The following QTMAN variants were observed in gnomAD, a reference collection of about 807,000 sequenced individuals.
The protein encoded by QTMAN is queuosine-tRNA mannosyltransferase, also known as tRNA-queuosine alpha-mannosyltransferase.
chr2:144,246,744 T>A, the QTMAN span, among the ~76,000 whole-genome samples: 3 of 152,306 alleles, frequency 2.0e-5, no homozygotes, highest in East Asian at 5.8e-4. Context: ...GACAACCTGC[T>A]GTCACCTGGC....
At chr2:144,122,768 A>G in the QTMAN span, among the ~76,000 whole-genome samples, 1 of 152,222 alleles carries the variant, frequency 6.6e-6, no homozygotes, top group Non-Finnish European at 1.5e-5. Context: ...TGGGAAGCTT[A>G]AAGATGTATT....
chr2:144,289,480 A>G, the QTMAN span, among the ~76,000 whole-genome samples: 2 of 152,256 alleles, frequency 1.3e-5, no homozygotes, highest in African/African-American at 4.8e-5. Flanking sequence ...GCATAAAACA[A>G]CTAAGAACAA....
the QTMAN span, among the ~76,000 whole-genome samples, chr2:144,318,555 A>G: frequency 6.6e-6 from 1 of 152,222 alleles, no homozygotes; most frequent in African/African-American, 2.4e-5. Flanking sequence ...CTCTAATCTG[A>G]CTTGTAAATT....
At chr2:144,041,962 G>A in the QTMAN span, among the ~76,000 whole-genome samples, 1,240 of 152,254 alleles carry the variant, frequency 8.1e-3, 4 homozygotes, top group Non-Finnish European at 0.014. Flanking sequence ...AAAGCACTAG[G>A]AGAGAAGAGG....
At chr2:144,027,105 T>C in the QTMAN span, among the ~76,000 whole-genome samples, 1 of 152,220 alleles carries the variant, frequency 6.6e-6, no homozygotes, top group Admixed American at 6.5e-5. Context: ...GTCCCTGAGC[T>C]ATTGGATAGG....
chr2:144,156,837 C>A, the QTMAN span, among the ~76,000 whole-genome samples: 1 of 151,992 alleles, frequency 6.6e-6, no homozygotes, highest in Non-Finnish European at 1.5e-5. Flanking sequence ...CTGGGTCTCA[C>A]CTAGCATGAA....
At chr2:143,957,568 A>C in the QTMAN span, among the ~76,000 whole-genome samples, 3 of 152,146 alleles carry the variant, frequency 2.0e-5, no homozygotes, top group Non-Finnish European at 1.5e-5. Context: ...CCCCTAAATG[A>C]AAAGCCAACT....
At chr2:144,314,012 T>C in the QTMAN span, among the ~76,000 whole-genome samples, 1 of 151,870 alleles carries the variant, frequency 6.6e-6, no homozygotes, top group African/African-American at 2.4e-5. Flanking sequence ...AATTAAAACA[T>C]AGCAATCCTA....
chr2:144,119,504 TC>T, the QTMAN span, among the ~76,000 whole-genome samples: 3 of 152,194 alleles, frequency 2.0e-5, no homozygotes, highest in Non-Finnish European at 2.9e-5. Context: ...CTGGTGTACC[TC>T]ATACAGATTG....
At chr2:144,038,084 A>G in the QTMAN span, among the ~76,000 whole-genome samples, 7 of 152,238 alleles carry the variant, frequency 4.6e-5, no homozygotes, top group African/African-American at 1.7e-4. Context: ...AATGAATTAA[A>G]TTATAATGGC....
At chr2:144,009,066 A>G in the QTMAN span, among the ~76,000 whole-genome samples, 1 of 152,094 alleles carries the variant, frequency 6.6e-6, no homozygotes, top group African/African-American at 2.4e-5. Context: ...GGGATCCTGA[A>G]GAAACAGAAA....
the QTMAN span, among the ~76,000 whole-genome samples, chr2:143,987,739 G>T: frequency 1.3e-5 from 2 of 152,190 alleles, no homozygotes; most frequent in South Asian, 2.1e-4. Context: ...TTAAGGTAGG[G>T]TTATTAAACA....
At chr2:143,975,521 G>A in the QTMAN span, among the ~76,000 whole-genome samples, 1 of 152,192 alleles carries the variant, frequency 6.6e-6, no homozygotes, top group African/African-American at 2.4e-5. Context: ...TAGCCAAGCA[G>A]TGGTAGATAA....
At chr2:144,093,791 G>GGT in the QTMAN span, among the ~76,000 whole-genome samples, 8 of 152,072 alleles carry the variant, frequency 5.3e-5, no homozygotes, top group African/African-American at 1.9e-4. Context: ...TGGATATGTT[G>GGT]GTGTGTGTGT....
chr2:144,315,260 T>C, the QTMAN span, among the ~76,000 whole-genome samples: 1 of 152,178 alleles, frequency 6.6e-6, no homozygotes, highest in Non-Finnish European at 1.5e-5. Flanking sequence ...TAAAGTGTAA[T>C]CTCTTGCCCA....
the QTMAN span, among the ~76,000 whole-genome samples, chr2:144,311,761 C>T: frequency 1.3e-5 from 2 of 152,150 alleles, no homozygotes; most frequent in Non-Finnish European, 2.9e-5. Flanking sequence ...TTCCAAATTC[C>T]CATAGTACTG....
At chr2:144,095,988 A>G in the QTMAN span, among the ~76,000 whole-genome samples, 3 of 152,148 alleles carry the variant, frequency 2.0e-5, no homozygotes, top group African/African-American at 4.8e-5. Context: ...TAAAAATCTT[A>G]TACAAGCAAA....
chr2:144,115,387 A>G, the QTMAN span, among the ~76,000 whole-genome samples: 2 of 152,222 alleles, frequency 1.3e-5, no homozygotes, highest in Non-Finnish European at 2.9e-5. Flanking sequence ...AAGTTGGCCA[A>G]TCTTGATTCT....
At chr2:144,209,270 G>C in the QTMAN span, among the ~76,000 whole-genome samples, 1 of 152,198 alleles carries the variant, frequency 6.6e-6, no homozygotes. Context: ...TTCTGGTTCA[G>C]AAATTCTGTG....
Sources: gnomAD v4.1 joint callset for allele counts (sites outside exome capture counted in the v4.1 genomes callset) on GRCh38, gnomAD v4.1.1 for gene constraint, MANE v1.5 for transcripts, NCBI Gene and HGNC (gene_info 2026-07-23, HGNC 2026-07-21) for gene names.